SNX29: variants seen among roughly 807,000 people sequenced by gnomAD.
SNX29 encodes the protein sorting nexin 29.
Under a neutral mutation model 102.1 loss-of-function variants are expected in SNX29, and 78 were observed. The ratio of observed to expected loss-of-function variants is 0.76; its 90% CI spans 0.64 to 0.92. The LOEUF (loss-of-function observed/expected upper bound fraction) is 0.92. SNX29 is among the 40% of genes least tolerant of loss of function. The pLI is 0.00. For missense variants in SNX29, 1,280 were observed against 1,061.7 expected, an observed-to-expected ratio of 1.21 and a Z score of -2.86; for synonymous variants, 580 against 414.5, an observed-to-expected ratio of 1.40 and a Z score of -4.85.
At chr16:12,149,411 C>CACGT (rs2055203577) in intron 13 of SNX29, among the ~76,000 whole-genome samples, 1 of 152,166 alleles carries the variant, frequency 6.6e-6, no homozygotes, top group Non-Finnish European at 1.5e-5. Flanking sequence ...AAACAGAAGG[C>CACGT]AAGTAGTGGT....
chr16:12,364,955 G>A (rs1217892526), intron 16 of SNX29, among the ~76,000 whole-genome samples: 2 of 152,076 alleles, frequency 1.3e-5, no homozygotes, highest in Non-Finnish European at 2.9e-5. Flanking sequence ...TTTGCTGTGT[G>A]TTTGGTGTGC....
intron 20 of SNX29, among the ~76,000 whole-genome samples, chr16:12,535,735 G>A (rs112418345): frequency 6.6e-6 from 1 of 152,070 alleles, no homozygotes; most frequent in Non-Finnish European, 1.5e-5. Flanking sequence ...GCCAGGCTTG[G>A]TCACGCTCGT....
intron 18 of SNX29, among the ~76,000 whole-genome samples, chr16:12,463,889 T>C (rs890740259): frequency 6.7e-6 from 1 of 148,620 alleles, no homozygotes; most frequent in African/African-American, 2.5e-5. Flanking sequence ...TCTCATCACA[T>C]TTTGAGTAAA....
chr16:12,217,621 G>T (rs1278869572), intron 14 of SNX29, among the ~76,000 whole-genome samples: 1 of 152,204 alleles, frequency 6.6e-6, no homozygotes, highest in Non-Finnish European at 1.5e-5. Flanking sequence ...TAATGTTTCA[G>T]CAGTAAGATG....
rs918899020 is a variant in SNX29 at position 12,083,566 on chromosome 16, C to T, written c.1402+4651C>T. Among the ~76,000 whole-genome samples, 7 of 152,284 alleles carry T rather than the reference C, an allele frequency of 4.6e-5. No homozygotes were observed. In the South Asian group the frequency reaches 1.5e-3, roughly 32 times the overall value. Reference sequence around the variant, plus strand: ...TTAACTTTGATTACCTCATTAAGGCCTTGTCTCCATATAAACTCCGATTGG... The same window carrying T: ...TTAACTTTGATTACCTCATTAAGGCTTTGTCTCCATATAAACTCCGATTGG... On this transcript the variant is annotated intron_variant, in intron 11 of 20. Coordinates refer to ENST00000566228, the MANE Select transcript of SNX29 (RefSeq NM_032167.5).
rs142289213 is a variant in SNX29 at position 12,555,418 on chromosome 16, G to A, written c.2319-13088G>A. ...GTCTGCTGGGCTGCTGGCCCCTCAG[G>A]TTGCTTTGTAGGAGACACTCATGTA... On this transcript the variant is annotated intron_variant, in intron 20 of 20. Coordinates refer to ENST00000566228, the MANE Select transcript of SNX29 (RefSeq NM_032167.5). Among the ~76,000 whole-genome samples the A allele has an allele frequency of 2.7e-3, 418 of 152,174 alleles. 4 individuals are homozygous for A. Among genetic ancestry groups the A allele is most frequent in the African/African-American group, 9.6e-3 (398 of 41,532 alleles).
chr16:12,537,421 C>T (rs2077124992), intron 20 of SNX29, among the ~76,000 whole-genome samples: 1 of 152,228 alleles, frequency 6.6e-6, no homozygotes, highest in Non-Finnish European at 1.5e-5. Context: ...CAAATTCCAG[C>T]TCAACTACAT....
intron 20 of SNX29, among the ~76,000 whole-genome samples, chr16:12,565,228 G>A (rs923613171): frequency 2.0e-5 from 3 of 152,160 alleles, no homozygotes; most frequent in African/African-American, 4.8e-5. Context: ...ACCAGTATTA[G>A]GCTGTTCTCA....
intron 4 of SNX29, among the ~76,000 whole-genome samples, chr16:12,036,567 C>T (rs1399675395): frequency 1.3e-5 from 2 of 152,164 alleles, no homozygotes; most frequent in East Asian, 1.9e-4. Context: ...ATCTCCTGAC[C>T]TCGTGATCCA....
intron 19 of SNX29, 22 bp from the exon 20 acceptor site, chr16:12,524,680 A>C: frequency 6.2e-7 from 1 of 1,611,200 alleles, no homozygotes; most frequent in African/African-American, 1.3e-5. Flanking sequence ...TACCAAAGCG[A>C]AGATGTTTTG....
chr16:12,539,371 T>C (rs1461283113), intron 20 of SNX29, among the ~76,000 whole-genome samples: 1 of 152,158 alleles, frequency 6.6e-6, no homozygotes, highest in African/African-American at 2.4e-5. Context: ...AGCAACCTCT[T>C]GAGGCTGGCG....
At chr16:11,985,329 T>C (rs1337723661) in intron 1 of SNX29, among the ~76,000 whole-genome samples, 2 of 152,216 alleles carry the variant, frequency 1.3e-5, no homozygotes, top group Non-Finnish European at 2.9e-5. Context: ...AAGGATGTTG[T>C]TGGGACCGTG....
chr16:12,457,073 C>T (rs1470765736), intron 18 of SNX29, among the ~76,000 whole-genome samples: 2 of 152,192 alleles, frequency 1.3e-5, no homozygotes, highest in Non-Finnish European at 2.9e-5. Flanking sequence ...GACCCCTTTA[C>T]CCTTTTCTTC....
chr16:12,195,879 A>G (rs1277604659), intron 13 of SNX29, among the ~76,000 whole-genome samples: 1 of 151,690 alleles, frequency 6.6e-6, no homozygotes, highest in Non-Finnish European at 1.5e-5. Flanking sequence ...GGCAGAGAGG[A>G]GAGGGACATA....
At chr16:12,554,248 C>T (rs868138648) in intron 20 of SNX29, among the ~76,000 whole-genome samples, 5 of 152,216 alleles carry the variant, frequency 3.3e-5, no homozygotes, top group South Asian at 2.1e-4. Flanking sequence ...TCGGCTGCAT[C>T]GTCTCTGCCT....
At chr16:12,253,000 G>C (rs1170250072) in intron 14 of SNX29, among the ~76,000 whole-genome samples, 3 of 152,222 alleles carry the variant, frequency 2.0e-5, no homozygotes, top group African/African-American at 7.2e-5. Flanking sequence ...CGTTGGGTTT[G>C]AGAAATTTCC....
intron 15 of SNX29, among the ~76,000 whole-genome samples, chr16:12,317,924 C>T (rs1172107819): frequency 6.6e-6 from 1 of 152,238 alleles, no homozygotes; most frequent in East Asian, 1.9e-4. Context: ...AAGGTATCAG[C>T]ACCTGCCATT....
At chr16:12,077,588 G>C (rs1390458622) in intron 10 of SNX29, among the ~76,000 whole-genome samples, 1 of 152,154 alleles carries the variant, frequency 6.6e-6, no homozygotes, top group Non-Finnish European at 1.5e-5. Context: ...GCTCCTAGGG[G>C]AAGTACATGG....
chr16:12,356,242 C>A lies in SNX29; in HGVS notation c.1862C>A (p.Ser621Tyr), dbSNP rs772943847. The change falls in exon 16 of 21, where the codon TCC (serine) becomes TAC (tyrosine). Residue 621 changes from serine (S) to tyrosine (Y), a missense_variant. Physicochemically the swap from Ser to Tyr is moderately radical, Grantham distance 144. Transcript: ENST00000566228. ...RALVAKEALV[S>Y]QMRQELIDLR... ...CTGGTAGCCAAGGAAGCCCTCGTGT[C>A]CCAGATGAGGCAGGAGCTCATCGAT... 1.2e-6 allele frequency: 2 copies of A among 1,612,516 alleles called. No homozygotes were observed. Among genetic ancestry groups the A allele is most frequent in the Admixed American group, 1.7e-5 (1 of 59,880 alleles).
Sources: gnomAD v4.1 joint callset for allele counts (sites outside exome capture counted in the v4.1 genomes callset) on GRCh38, gnomAD v4.1.1 for gene constraint, MANE v1.5 for transcripts, NCBI Gene and HGNC (gene_info 2026-07-23, HGNC 2026-07-21) for gene names.